SLC25A22: variants seen among roughly 807,000 people sequenced by gnomAD.
SLC25A22 encodes mitochondrial glutamate carrier 1.
A neutral mutation model predicts 33.7 loss-of-function variants in SLC25A22; 23 were observed. The ratio of observed to expected loss-of-function variants is 0.68; its 90% CI spans 0.49 to 0.97. The LOEUF is 0.97. Ranked by LOEUF, SLC25A22 falls within the 50% of genes least tolerant of loss-of-function variation. The pLI, the probability that SLC25A22 is intolerant of heterozygous loss-of-function variation, is 0.00. For synonymous variants in SLC25A22, 245 were observed against 203.8 expected (o/e 1.20, Z -1.72); for missense variants, 390 against 451.1 (o/e 0.86, Z 1.23).
In SLC25A22 at chr11:791,447, C is replaced by T. The variant is rs1030817194; in HGVS notation, c.*468G>A. ...TCAAGTCCTGCCAAGGCGACAAGAG[C>T]GGCTGGGGAAGGACGGAAGGGCTGG... is the stretch of plus-strand genomic sequence containing the variant. On this transcript the variant is annotated 3_prime_UTR_variant, in exon 10 of 10. Coordinates refer to ENST00000628067, the MANE Select transcript of SLC25A22 (RefSeq NM_001191061.2). 5 of 196,060 alleles carry T rather than the reference C, an allele frequency of 2.6e-5. No homozygotes were observed. Among genetic ancestry groups the T allele is most frequent in the South Asian group, 8.9e-5 (1 of 11,212 alleles). 12.1% of individuals were successfully genotyped at this position (196,060 alleles called of 1,614,324 possible). A position where few individuals can be genotyped will look rare whatever the true frequency, so the allele number is the denominator to read the frequency against.
intron 4 of SLC25A22, 154 bp downstream of exon 4, chr11:794,304 C>T (rs1424980086): frequency 1.1e-6 from 1 of 892,628 alleles, no homozygotes. Flanking sequence ...AGATCCAGTC[C>T]CCCCTGCACA....
rs533087737 is a variant in SLC25A22, at chr11:794,265, G to A, written c.202+193C>T. 3.1e-5 allele frequency: 23 copies of A among 741,948 alleles called. No homozygotes were observed. In the East Asian group the frequency reaches 4.3e-4, roughly 14 times the overall value. 46.0% of individuals were successfully genotyped at this position (741,948 alleles called of 1,614,324 possible). A position where few individuals can be genotyped will look rare whatever the true frequency, so the allele number is the denominator to read the frequency against. ...CTAAGTGGGGGTGGGGAGCTGCCAC[G>A]GGAGAGGCTGAGAACTACCACTCAC... On this transcript the variant is annotated intron_variant, in intron 4 of 9. Transcript: ENST00000628067.
chr11:793,489 G>C, intron 5 of SLC25A22, 40 bp downstream of exon 5: 1 of 1,597,956 alleles, frequency 6.3e-7, no homozygotes, highest in Non-Finnish European at 8.6e-7. Context: ...TTTATCTGAA[G>C]CCAAAGACCC....
intron 1 of SLC25A22, chr11:797,466 C>T: frequency 7.6e-6 from 3 of 396,986 alleles, no homozygotes; most frequent in Non-Finnish European, 8.9e-6. Flanking sequence ...CCGTCACTGT[C>T]CCCCCTTCAT....
Position 797,625 on chromosome 11 carries a change from A to G in SLC25A22, c.-164+592T>C, listed in dbSNP as rs550667479. 4.7e-4 allele frequency: 188 copies of G among 398,614 alleles called. 2 individuals are homozygous for G. The Middle Eastern group carries it at 7.6e-3, about 16-fold the overall frequency. 24.7% of individuals were successfully genotyped at this position (398,614 alleles called of 1,614,324 possible). ...GGCTCCTCCTACCCCCAAGAAAGGCAATGGGGGTGAGGCTCCGAGTCTGGC... is the reference window on the plus strand; with the variant it reads ...GGCTCCTCCTACCCCCAAGAAAGGCGATGGGGGTGAGGCTCCGAGTCTGGC... On this transcript the variant is annotated intron_variant, in intron 1 of 9. Transcript: ENST00000628067.
chr11:796,777 T>G lies in SLC25A22; in HGVS notation c.-164+1440A>C, dbSNP rs28364640. On this transcript the variant is annotated intron_variant, in intron 1 of 9. Transcript: ENST00000628067. ...GGCCACTGTTGCCACCCACAGGCCC[T>G]GCTCACCTGGCAGGTCCAGAGGGCA... Among the ~76,000 whole-genome samples, 8 of 152,318 alleles carry G rather than the reference T, an allele frequency of 5.3e-5. No homozygotes were observed. The East Asian group carries it at 1.5e-3, about 29-fold the overall frequency.
intron 1 of SLC25A22, among the ~76,000 whole-genome samples, chr11:796,609 G>A (rs1396820480): frequency 2.6e-5 from 4 of 152,238 alleles, no homozygotes; most frequent in African/African-American, 9.6e-5. Context: ...AGGGAATCCG[G>A]TGCTGTGGAG....
In SLC25A22 at chr11:794,995, C is replaced by T. The variant is rs190365930; in HGVS notation, c.12G>A (p.Lys4=). 38 of 1,558,106 alleles carry T rather than the reference C, an allele frequency of 2.4e-5. No homozygotes were observed. The highest frequency in any genetic ancestry group is 3.2e-5 in the Non-Finnish European group (37 of 1,150,978). The stretch of plus-strand genomic sequence containing the variant: ...CAGGACTGGAGTCTGACCTGATCTG[C>T]TTATCAGCCATTTAACTCGATTGCA... MAD[K]QISLPAKLIN... Residue 4 remains lysine (K), a synonymous_variant, in exon 2 of 10, where the codon AAG becomes AAA. Transcript: ENST00000628067.
In SLC25A22 at chr11:792,931, C is replaced by T. The variant is rs377299330; in HGVS notation, c.351G>A (p.Gln117=). 5 of 1,613,410 alleles carry T rather than the reference C, an allele frequency of 3.1e-6. No individual in the cohort carries two copies. Among genetic ancestry groups the T allele is most frequent in the Middle Eastern group, 1.6e-4 (1 of 6,062 alleles). The change falls in exon 6 of 10, where the codon CAG becomes CAA. Residue 117 remains glutamine (Q), a synonymous_variant. Coordinates refer to ENST00000628067, the MANE Select transcript of SLC25A22 (RefSeq NM_001191061.2). ...MLAGCGAGTC[Q]VIVTTPMEML... ...TCTCCATGGGCGTGGTCACGATCAC[C>T]TGGCAGGTGCCAGCCCCACAGCCCG...
At chr11:792,091 TCAGCCCGGTACGCAGGCCCCCAGGCCC>T (rs1296185616) in intron 9 of SLC25A22, 23 bp from the exon 10 acceptor site, 1 of 1,599,774 alleles carries the variant, frequency 6.3e-7, no homozygotes, top group Non-Finnish European at 8.5e-7. Context: ...GACGAAAGGG[TCAGCCCGGTACGCAGGCCCCCAGGCCC>T]CACCCGCCGT....
chr11:792,180 G>A lies in SLC25A22; in HGVS notation c.780C>T (p.Val260=), dbSNP rs1056677441. The change falls in exon 9 of 10, where the codon GTC becomes GTT. Residue 260 remains valine (V), a synonymous_variant. Transcript: ENST00000628067. ...GGATCCCAGAGTAGGTGTCCTCGTT[G>A]ACGCCTCGCTGAAGTGACTGGAGCC... ...KTRLQSLQRG[V]NEDTYSGILD... 1.2e-6 allele frequency: 2 copies of A among 1,612,792 alleles called. No individual in the cohort carries two copies. The highest frequency in any genetic ancestry group is 1.7e-6 in the Non-Finnish European group (2 of 1,179,884).
chr11:790,487 A>G lies in SLC25A22; in HGVS notation c.*1428T>C, dbSNP rs1864456708. The G allele has an allele frequency of 6.6e-6, 1 of 152,090 alleles. No individual in the cohort carries two copies. Among genetic ancestry groups the G allele is most frequent in the Admixed American group, 6.5e-5 (1 of 15,280 alleles). 9.4% of individuals were successfully genotyped at this position (152,090 alleles called of 1,614,324 possible). A position where few individuals can be genotyped will look rare whatever the true frequency, so the allele number is the denominator to read the frequency against. On this transcript the variant is annotated 3_prime_UTR_variant, in exon 10 of 10. Coordinates refer to ENST00000628067, the MANE Select transcript of SLC25A22 (RefSeq NM_001191061.2). The stretch of plus-strand genomic sequence containing the variant: ...ACAGACAGCAGCATCTACTTAGAAT[A>G]TTTATTTATTCTCTGACATGACAAG...
Position 790,905 on chromosome 11 carries a change from G to A in SLC25A22, c.*1010C>T, listed in dbSNP as rs1482660772. ...TACCCAGGGGCCTTATGCAGAGGCT[G>A]AAAAAGGAGGGTGGGCCCTGAGAGG... On this transcript the variant is annotated 3_prime_UTR_variant, in exon 10 of 10. Coordinates refer to ENST00000628067, the MANE Select transcript of SLC25A22 (RefSeq NM_001191061.2). The A allele has an allele frequency of 6.6e-6, 1 of 152,362 alleles. No individual in the cohort carries two copies. The highest frequency in any genetic ancestry group is 1.5e-5 in the Non-Finnish European group (1 of 68,138). The allele number at this position is 152,362 out of a possible 1,614,324, so 9.4% of individuals were successfully genotyped here. A position where few individuals can be genotyped will look rare whatever the true frequency, so the allele number is the denominator to read the frequency against.
chr11:797,512 GA>G (rs1864892760), intron 1 of SLC25A22: 1 of 397,620 alleles, frequency 2.5e-6, no homozygotes, highest in East Asian at 3.6e-5. Context: ...AAGCCAGGGA[GA>G]CAGCAGGAGA....
Position 792,609 on chromosome 11 carries a change from C to T in SLC25A22, c.531G>A (p.Leu177=), listed in dbSNP as rs1432793965. ...GACCGGCAATGCCACGGCTCCGCAG[C>T]AGGTCGCGGGTCAGCTGGGTGGCCG... is the stretch of plus-strand genomic sequence containing the variant. The part of the protein sequence containing the change: ...RPTATQLTRD[L]LRSRGIAGLY... The change falls in exon 7 of 10, where the codon CTG becomes CTA. Residue 177 remains leucine, a synonymous_variant. Transcript: ENST00000628067. 4 of 1,608,428 alleles carry T rather than the reference C, an allele frequency of 2.5e-6. No homozygotes were observed. The highest frequency in any genetic ancestry group is 1.7e-4 in the Middle Eastern group (1 of 6,050).
chr11:791,744 C>T lies in SLC25A22; in HGVS notation c.*171G>A, dbSNP rs771093127. On this transcript the variant is annotated 3_prime_UTR_variant, in exon 10 of 10. Transcript: ENST00000628067. ...GATCCCAACGGTGCAGGCAGCACCC[C>T]GGGGGGCTTGCGTGTGCACCACCTA... The T allele has an allele frequency of 1.0e-3, 877 of 855,374 alleles. 1 individual carries two copies. Among genetic ancestry groups the T allele is most frequent in the Non-Finnish European group, 1.4e-3 (773 of 570,362 alleles). The allele number at this position is 855,374 out of a possible 1,614,324, so 53.0% of individuals were successfully genotyped here.
rs1431026305 is a variant in SLC25A22, at chr11:792,060, A to G, written c.827T>C (p.Leu276Pro). ...GAAGGCCGAGGGGCCCTCGTGCCGCAGGATCTTCCTGTGGAGGAAGGACGA... is the reference window on the plus strand; with the variant it reads ...GAAGGCCGAGGGGCCCTCGTGCCGCGGGATCTTCCTGTGGAGGAAGGACGA... ...SGILDCARKI[L>P]RHEGPSAFLK... The change falls in exon 10 of 10, where the codon CTG becomes CCG. Residue 276 changes from leucine (L) to proline (P), a missense_variant. Leu to Pro is a moderately conservative substitution (Grantham distance 98, BLOSUM62 -3). Transcript: ENST00000628067. 2 of 1,599,074 alleles carry G rather than the reference A, an allele frequency of 1.3e-6. No homozygotes were observed.
chr11:794,661 C>A (rs903396824), intron 3 of SLC25A22, 115 bp downstream of exon 3: 71 of 1,529,776 alleles, frequency 4.6e-5, no homozygotes, highest in Non-Finnish European at 5.7e-5. Context: ...CCCCTAGGCC[C>A]GCCTGCCTCC....
rs1485372346 is a variant in SLC25A22 at position 797,751 on chromosome 11, A to G, written c.-164+466T>C. On this transcript the variant is annotated intron_variant, in intron 1 of 9. Coordinates refer to ENST00000628067, the MANE Select transcript of SLC25A22 (RefSeq NM_001191061.2). ...CCCGGAAGGGGACTCCAACTGCGCG[A>G]TGCCTCGGCCAGAGGACAAAGGAGA... is the stretch of plus-strand genomic sequence containing the variant. The G allele has an allele frequency of 7.5e-6, 3 of 398,508 alleles. No individual in the cohort carries two copies. Among genetic ancestry groups the G allele is most frequent in the Non-Finnish European group, 1.3e-5 (3 of 226,098 alleles). 24.7% of individuals were successfully genotyped at this position (398,508 alleles called of 1,614,324 possible). A position where few individuals can be genotyped will look rare whatever the true frequency, so the allele number is the denominator to read the frequency against.
Sources: allele counts gnomAD v4.1 joint callset (sites outside exome capture counted in the v4.1 genomes callset), GRCh38; gene constraint gnomAD v4.1.1; transcripts MANE v1.5; gene names NCBI Gene and HGNC (gene_info 2026-07-23, HGNC 2026-07-21).